The following MME variants were observed in gnomAD, a reference collection of about 807,000 sequenced individuals.
The protein encoded by MME is membrane metalloendopeptidase, also known as neprilysin.
A neutral mutation model predicts 113.2 loss-of-function variants in MME; 98 were observed. That is an observed-to-expected ratio of 0.87 (90% CI 0.74 to 1.02). The LOEUF (loss-of-function observed/expected upper bound fraction) is 1.02. Ranked by LOEUF, MME falls within the 50% of genes least tolerant of loss-of-function variation. The probability of loss-of-function intolerance (pLI) is 0.00; values close to 1 mark genes in which losing one functional copy is unlikely to be tolerated. For synonymous variants in MME, 292 were observed against 300.6 expected (o/e 0.97, Z 0.30); for missense variants, 836 against 896.0 (o/e 0.93, Z 0.86).
At chr3:155,094,830 C>T (rs1716592683) in intron 3 of MME, among the ~76,000 whole-genome samples, 1 of 152,196 alleles carries the variant, frequency 6.6e-6, no homozygotes, top group Admixed American at 6.5e-5. Context: ...CCCCTTTTCT[C>T]ACCTCTGATT....
At chr3:155,102,676 G>A (rs79708266) in intron 3 of MME, among the ~76,000 whole-genome samples, 124 of 152,266 alleles carry the variant, frequency 8.1e-4, no homozygotes, top group African/African-American at 2.6e-3. Context: ...CTCATGAGAT[G>A]CCCATGATGA....
At chr3:155,126,007 G>T (rs1719619921) in intron 8 of MME, among the ~76,000 whole-genome samples, 1 of 152,140 alleles carries the variant, frequency 6.6e-6, no homozygotes, top group Non-Finnish European at 1.5e-5. Context: ...AAATTATGAA[G>T]TTCGAATAAC....
chr3:155,027,370 C>T (rs1464256045), intron 1 of MME, among the ~76,000 whole-genome samples: 1 of 152,208 alleles, frequency 6.6e-6, no homozygotes, highest in Non-Finnish European at 1.5e-5. Context: ...AAGTCTAAAG[C>T]CCTGGGCAAG....
chr3:155,149,337 A>C (rs1337618812), intron 16 of MME, among the ~76,000 whole-genome samples: 1 of 152,150 alleles, frequency 6.6e-6, no homozygotes, highest in Non-Finnish European at 1.5e-5. Flanking sequence ...GCCCCTAGAC[A>C]ACAGGGGCTA....
intron 1 of MME, among the ~76,000 whole-genome samples, chr3:155,070,442 T>G (rs1387499092): frequency 6.6e-6 from 1 of 152,162 alleles, no homozygotes; most frequent in Non-Finnish European, 1.5e-5. Flanking sequence ...AAAGTGTTCT[T>G]TTTGCTTGGA....
chr3:155,034,175 C>T (rs1034433934), intron 1 of MME, among the ~76,000 whole-genome samples: 2 of 152,082 alleles, frequency 1.3e-5, no homozygotes, highest in African/African-American at 4.8e-5. Flanking sequence ...AAATAGAAAT[C>T]CTTTACCTAT....
chr3:155,027,350 A>G (rs982996086), intron 1 of MME, among the ~76,000 whole-genome samples: 2 of 152,110 alleles, frequency 1.3e-5, no homozygotes, highest in Non-Finnish European at 2.9e-5. Context: ...TTACACTCCT[A>G]TTTCCTGTAA....
intron 3 of MME, among the ~76,000 whole-genome samples, chr3:155,110,873 T>A (rs574319485): frequency 8.5e-4 from 129 of 152,336 alleles, no homozygotes; most frequent in African/African-American, 2.8e-3. Flanking sequence ...AAAATCATAG[T>A]ATATGCTCTT....
At chr3:155,127,066 G>A (rs139908166) in intron 8 of MME, among the ~76,000 whole-genome samples, 1 of 151,330 alleles carries the variant, frequency 6.6e-6, no homozygotes, top group Non-Finnish European at 1.5e-5. Flanking sequence ...GTTTTGAACA[G>A]TCCTCATCAA....
At chr3:155,104,796 C>T (rs898519252) in intron 3 of MME, among the ~76,000 whole-genome samples, 1 of 152,124 alleles carries the variant, frequency 6.6e-6, no homozygotes, top group African/African-American at 2.4e-5. Context: ...AAAAAAGGAA[C>T]ATTATCATCA....
At chr3:155,036,125 C>T (rs558006013) in intron 1 of MME, among the ~76,000 whole-genome samples, 1 of 152,190 alleles carries the variant, frequency 6.6e-6, no homozygotes, top group East Asian at 1.9e-4. Context: ...TCCAGGAAGA[C>T]TCCAATATTT....
At chr3:155,057,289 C>A (rs1240501193) in intron 1 of MME, among the ~76,000 whole-genome samples, 1 of 152,096 alleles carries the variant, frequency 6.6e-6, no homozygotes, top group African/African-American at 2.4e-5. Flanking sequence ...GGGCAAAGAA[C>A]ATGAACAGAC....
In MME at chr3:155,121,683, T is replaced by G. The variant is rs1394036221; in HGVS notation, c.720+2872T>G. Among the ~76,000 whole-genome samples the G allele has an allele frequency of 1.7e-3, 145 of 87,404 alleles. 1 individual carries two copies. The highest frequency in any genetic ancestry group is 5.7e-3 in the African/African-American group (138 of 24,216). The allele number at this position is 87,404 out of a possible 152,430, so 57.3% of individuals were successfully genotyped here. On this transcript the variant is annotated intron_variant, in intron 8 of 22. Coordinates refer to ENST00000360490, the MANE Select transcript of MME (RefSeq NM_007289.4). ...GCATCTATTGAGATAATCATGTGGTTTTTGTCTTTGGCTCTGTTTATATGC... is the reference window on the plus strand; with the variant it reads ...GCATCTATTGAGATAATCATGTGGTGTTTGTCTTTGGCTCTGTTTATATGC...
intron 1 of MME, among the ~76,000 whole-genome samples, chr3:155,043,169 T>A (rs1713419955): frequency 6.6e-6 from 1 of 150,964 alleles, no homozygotes; most frequent in South Asian, 2.1e-4. Flanking sequence ...AAAATTTATG[T>A]ATAAGTTTAT....
chr3:155,058,897 C>T (rs946102020), intron 1 of MME, among the ~76,000 whole-genome samples: 3 of 152,152 alleles, frequency 2.0e-5, no homozygotes, highest in Admixed American at 6.6e-5. Context: ...CAAATGATTT[C>T]ATAACTGAGT....
chr3:155,140,100 G>A, intron 9 of MME, 91 bp from the exon 10 acceptor site: 5 of 820,902 alleles, frequency 6.1e-6, no homozygotes, highest in Non-Finnish European at 9.8e-6. Context: ...AAATTATGTT[G>A]TACCTATCCT....
intron 3 of MME, among the ~76,000 whole-genome samples, chr3:155,105,258 A>G (rs1264000575): frequency 6.6e-6 from 1 of 152,218 alleles, no homozygotes; most frequent in Non-Finnish European, 1.5e-5. Flanking sequence ...AAAATTTTAT[A>G]TGACTATATA....
At chr3:155,075,611 A>G (rs1009131354), upstream of MME, among the ~76,000 whole-genome samples, 1 of 152,124 alleles carries the variant, frequency 6.6e-6, no homozygotes, top group Non-Finnish European at 1.5e-5. Flanking sequence ...TACTTTTTAC[A>G]TACATAATTA....
At chr3:155,127,328 T>G (rs996187382) in intron 8 of MME, among the ~76,000 whole-genome samples, 1 of 152,202 alleles carries the variant, frequency 6.6e-6, no homozygotes, top group South Asian at 2.1e-4. Context: ...CCTCCTCTGG[T>G]GTTTTTCTTA....
Sources: allele counts gnomAD v4.1 joint callset (sites outside exome capture counted in the v4.1 genomes callset), GRCh38; gene constraint gnomAD v4.1.1; transcripts MANE v1.5; gene names NCBI Gene and HGNC (gene_info 2026-07-23, HGNC 2026-07-21).